AIG1: variants seen among roughly 807,000 people sequenced by gnomAD.
AIG1 encodes the protein androgen induced 1.
Under a neutral mutation model 31.4 loss-of-function variants are expected in AIG1, and 23 were observed. That is an observed-to-expected ratio of 0.73 (90% CI 0.53 to 1.04). AIG1 has a LOEUF of 1.04. AIG1 is among the 50% of genes least tolerant of loss of function. AIG1 has a pLI of 0.00. For synonymous variants in AIG1, 100 were observed against 110.5 expected (o/e 0.90, Z 0.60); for missense variants, 274 against 295.0 (o/e 0.93, Z 0.52).
At chr6:143,289,049 C>G (rs994995339) in intron 4 of AIG1, among the ~76,000 whole-genome samples, 4 of 152,096 alleles carry the variant, frequency 2.6e-5, no homozygotes, top group Admixed American at 6.6e-5. Flanking sequence ...AAGCCTCATA[C>G]GTGGCAGCCT....
chr6:143,069,119 A>G (rs1777005489), intron 1 of AIG1, among the ~76,000 whole-genome samples: 1 of 149,244 alleles, frequency 6.7e-6, no homozygotes, highest in African/African-American at 2.5e-5. Context: ...GGTTCAAGTG[A>G]CTCTCCCGCC....
intron 2 of AIG1, among the ~76,000 whole-genome samples, chr6:143,157,861 T>C (rs1171178269): frequency 2.6e-5 from 4 of 152,174 alleles, no homozygotes; most frequent in Non-Finnish European, 4.4e-5. Flanking sequence ...TTTAAAATCA[T>C]ATTCCTCTCT....
chr6:143,184,193 A>C (rs1789009542), intron 3 of AIG1, among the ~76,000 whole-genome samples: 1 of 152,174 alleles, frequency 6.6e-6, no homozygotes, highest in Non-Finnish European at 1.5e-5. Context: ...AATAGCCAAT[A>C]GCTTTAGGAA....
chr6:143,290,443 A>G (rs1025118087), intron 4 of AIG1, among the ~76,000 whole-genome samples: 32 of 152,320 alleles, frequency 2.1e-4, no homozygotes, highest in African/African-American at 7.5e-4. Flanking sequence ...CAGGGGCCGC[A>G]TGCGCAGTGT....
At chr6:143,176,572 T>TC (rs537459375) in intron 3 of AIG1, among the ~76,000 whole-genome samples, 431 of 143,702 alleles carry the variant, frequency 3.0e-3, no homozygotes, top group African/African-American at 0.01. Flanking sequence ...GGGGTTATGT[T>TC]CCCGGGGGGG....
At chr6:143,097,085 G>T (rs529860925) in intron 1 of AIG1, among the ~76,000 whole-genome samples, 1 of 151,930 alleles carries the variant, frequency 6.6e-6, no homozygotes, top group South Asian at 2.1e-4. Context: ...TGCCATTAGT[G>T]ACCTTAGGCA....
intron 1 of AIG1, among the ~76,000 whole-genome samples, chr6:143,069,014 C>CTT (rs572412546): frequency 1.4e-5 from 2 of 144,248 alleles, no homozygotes; most frequent in Non-Finnish European, 1.5e-5. Flanking sequence ...AAATTTATTC[C>CTT]TTTTTTTTTT....
At chr6:143,337,593 T>G (rs941390609) in intron 5 of AIG1, among the ~76,000 whole-genome samples, 1 of 152,236 alleles carries the variant, frequency 6.6e-6, no homozygotes, top group Non-Finnish European at 1.5e-5. Context: ...AGCTACATTT[T>G]GTAAGACCAG....
intron 2 of AIG1, among the ~76,000 whole-genome samples, chr6:143,144,975 G>A (rs894764046): frequency 1.3e-5 from 2 of 152,114 alleles, no homozygotes; most frequent in African/African-American, 4.8e-5. Flanking sequence ...CTCACAAGAC[G>A]TGGAGCTTGT....
At chr6:143,179,102 G>A (rs1358706011) in intron 3 of AIG1, among the ~76,000 whole-genome samples, 2 of 152,038 alleles carry the variant, frequency 1.3e-5, no homozygotes, top group Non-Finnish European at 2.9e-5. Flanking sequence ...GGTGTGAGGG[G>A]ATTTCACTGA....
At chr6:143,156,780 C>G (rs1234551975) in intron 2 of AIG1, among the ~76,000 whole-genome samples, 1 of 152,212 alleles carries the variant, frequency 6.6e-6, no homozygotes, top group East Asian at 1.9e-4. Flanking sequence ...TGGGATGACC[C>G]TTCAGAGTCA....
chr6:143,254,605 C>T (rs1279763863), intron 3 of AIG1, among the ~76,000 whole-genome samples: 2 of 152,102 alleles, frequency 1.3e-5, no homozygotes, highest in African/African-American at 2.4e-5. Context: ...CCCCCCTACC[C>T]CCGCAAGTCA....
At chr6:143,308,258 G>C (rs1285327335) in intron 4 of AIG1, among the ~76,000 whole-genome samples, 1 of 152,208 alleles carries the variant, frequency 6.6e-6, no homozygotes, top group African/African-American at 2.4e-5. Context: ...GATGAACCTG[G>C]TACCTCAGAT....
chr6:143,140,648 C>T (rs1784172650), intron 2 of AIG1, among the ~76,000 whole-genome samples: 1 of 152,186 alleles, frequency 6.6e-6, no homozygotes, highest in Non-Finnish European at 1.5e-5. Flanking sequence ...GAAGTGCCAA[C>T]CTGGACGGTT....
At chr6:143,197,651 A>G (rs1056829727) in intron 3 of AIG1, among the ~76,000 whole-genome samples, 3 of 152,236 alleles carry the variant, frequency 2.0e-5, no homozygotes, top group African/African-American at 7.2e-5. Context: ...TCTGTCCCAT[A>G]AACACCTCCC....
intron 3 of AIG1, among the ~76,000 whole-genome samples, chr6:143,227,102 A>G (rs989399715): frequency 1.3e-5 from 2 of 151,048 alleles, no homozygotes; most frequent in Non-Finnish European, 2.9e-5. Context: ...AAAAGATTGG[A>G]CACCCATGTC....
chr6:143,339,787 C>T lies in AIG1; in HGVS notation c.*111C>T, dbSNP rs936750627. ...TCAAAGGAACTTGGTGGCATCAGCACCCCCCTCCCCCAATGAGGACACCTT... is the reference window on the plus strand; with the variant it reads ...TCAAAGGAACTTGGTGGCATCAGCATCCCCCTCCCCCAATGAGGACACCTT... On this transcript the variant is annotated 3_prime_UTR_variant, in exon 6 of 6. Coordinates refer to ENST00000357847, the MANE Select transcript of AIG1 (RefSeq NM_016108.4). 1.9e-6 allele frequency: 2 copies of T among 1,041,656 alleles called. No individual in the cohort carries two copies. The highest frequency in any genetic ancestry group is 1.4e-6 in the Non-Finnish European group (1 of 705,942). The allele number at this position is 1,041,656 out of a possible 1,614,324, so 64.5% of individuals were successfully genotyped here.
rs374284306 is a variant in AIG1, at chr6:143,190,170, A to G, written c.399+24987A>G. 37 of 984,852 alleles carry G rather than the reference A, an allele frequency of 3.8e-5. No individual in the cohort carries two copies. In the South Asian group the frequency reaches 9.4e-4, roughly 25 times the overall value. The allele number at this position is 984,852 out of a possible 1,614,324, so 61.0% of individuals were successfully genotyped here. ...ACATATGAATTTTGAGGGGACAGAA[A>G]CATTCAGCCCATAGCAGGATGAGAA... On this transcript the variant is annotated intron_variant, in intron 3 of 5. Transcript: ENST00000357847.
intron 3 of AIG1, among the ~76,000 whole-genome samples, chr6:143,246,127 T>C (rs1794606621): frequency 6.6e-6 from 1 of 152,178 alleles, no homozygotes; most frequent in African/African-American, 2.4e-5. Context: ...GTTTAGGGCC[T>C]CACTTCTGCT....
Sources: allele counts gnomAD v4.1 joint callset (sites outside exome capture counted in the v4.1 genomes callset), GRCh38; gene constraint gnomAD v4.1.1; transcripts MANE v1.5; gene names NCBI Gene and HGNC (gene_info 2026-07-23, HGNC 2026-07-21).